INPP5F: variants seen among roughly 807,000 people sequenced by gnomAD.
INPP5F encodes the protein inositol polyphosphate-5-phosphatase F, also known as phosphatidylinositide 4-phosphatase SAC2.
In INPP5F, 97 loss-of-function variants were observed where a neutral mutation model predicts 137.2. The observed-to-expected ratio is 0.71, with a 90% CI of 0.60 to 0.84. The LOEUF (loss-of-function observed/expected upper bound fraction) is 0.84. INPP5F is among the 40% of genes least tolerant of loss of function. INPP5F has a pLI of 0.00. For missense variants in INPP5F, 1,271 were observed against 1,371.9 expected (o/e 0.93, Z 1.16); for synonymous variants, 504 against 476.9 (o/e 1.06, Z -0.74).
chr10:119,806,544 G>C, intron 12 of INPP5F, 64 bp downstream of exon 12: 1 of 1,415,610 alleles, frequency 7.1e-7, no homozygotes, highest in Non-Finnish European at 9.5e-7. Flanking sequence ...CCATGAGTAA[G>C]CAAATAGCTA....
At chr10:119,742,642 A>G (rs758913719) in intron 1 of INPP5F, among the ~76,000 whole-genome samples, 14 of 152,172 alleles carry the variant, frequency 9.2e-5, no homozygotes, top group Non-Finnish European at 1.5e-4. Flanking sequence ...AGCCCCATAC[A>G]AACATGAGAG....
Position 119,782,903 on chromosome 10 carries a change from C to G in INPP5F, c.315+1132C>G, listed in dbSNP as rs562469914. 4.9e-4 allele frequency among the ~76,000 whole-genome samples: 75 copies of G among 152,174 alleles called. No homozygotes were observed. In the South Asian group the frequency reaches 5.0e-3, roughly 10 times the overall value. ...AGTTCTTGGGGAGGAACTTTGGGGA[C>G]AGGGTTAAATTGCCTTAAGAATAAG... On this transcript the variant is annotated intron_variant, in intron 3 of 19. Coordinates refer to ENST00000650623, the MANE Select transcript of INPP5F (RefSeq NM_014937.4).
At chr10:119,795,798 G>A (rs1850355285) in intron 6 of INPP5F, among the ~76,000 whole-genome samples, 1 of 152,216 alleles carries the variant, frequency 6.6e-6, no homozygotes, top group Admixed American at 6.5e-5. Context: ...ATTGAGCACT[G>A]AGTGAACGAG....
chr10:119,778,607 C>T (rs1849601574), intron 2 of INPP5F, among the ~76,000 whole-genome samples: 1 of 152,142 alleles, frequency 6.6e-6, no homozygotes, highest in Non-Finnish European at 1.5e-5. Flanking sequence ...CATTTTCCCT[C>T]CATTCTCCTC....
intron 13 of INPP5F, 95 bp downstream of exon 13, chr10:119,808,155 C>A: frequency 7.0e-7 from 1 of 1,429,656 alleles, no homozygotes; most frequent in Non-Finnish European, 9.5e-7. Context: ...TTCCAGATTG[C>A]AGATGTGTGT....
intron 2 of INPP5F, 151 bp downstream of exon 2, chr10:119,751,307 C>T (rs976192950): frequency 3.2e-6 from 2 of 632,470 alleles, no homozygotes; most frequent in African/African-American, 3.7e-5. Context: ...TGAGCGAAGA[C>T]CTGTTTCTAC....
At chr10:119,791,209 A>T (rs1309392317) in intron 3 of INPP5F, among the ~76,000 whole-genome samples, 3 of 152,262 alleles carry the variant, frequency 2.0e-5, no homozygotes, top group African/African-American at 7.2e-5. Context: ...AAGCATTAAT[A>T]ACCTCAGCCG....
At chr10:119,775,961 A>C (rs1406706735) in intron 2 of INPP5F, among the ~76,000 whole-genome samples, 1 of 152,226 alleles carries the variant, frequency 6.6e-6, no homozygotes, top group Non-Finnish European at 1.5e-5. Flanking sequence ...GTAGATGTTC[A>C]GTAAACATTA....
chr10:119,739,662 A>C (rs1848317934), intron 1 of INPP5F, among the ~76,000 whole-genome samples: 1 of 151,918 alleles, frequency 6.6e-6, no homozygotes, highest in African/African-American at 2.4e-5. Context: ...TAGGGTCTTC[A>C]TTTGCCACCC....
At chr10:119,793,736 C>T (rs997411384) in intron 6 of INPP5F, 1 of 152,282 alleles carries the variant, frequency 6.6e-6, no homozygotes, top group Non-Finnish European at 1.5e-5. Flanking sequence ...AACTTCACCT[C>T]CCGGGTTCAA....
In INPP5F at chr10:119,828,085, G is replaced by T; in HGVS notation, c.*305G>T. On this transcript the variant is annotated 3_prime_UTR_variant, in exon 20 of 20. Coordinates refer to ENST00000650623, the MANE Select transcript of INPP5F (RefSeq NM_014937.4). The stretch of plus-strand genomic sequence containing the variant: ...TGAACCTTTTTTTGGAGTGGGGTGG[G>T]TAGACTACAGTAGACACAAGGGCTG... The T allele has an allele frequency of 4.4e-6, 1 of 225,346 alleles. No homozygotes were observed. Among genetic ancestry groups the T allele is most frequent in the Non-Finnish European group, 8.8e-6 (1 of 113,774 alleles). 14.0% of individuals were successfully genotyped at this position (225,346 alleles called of 1,614,324 possible).
intron 13 of INPP5F, among the ~76,000 whole-genome samples, chr10:119,809,079 T>G (rs776461158): frequency 6.6e-6 from 1 of 152,070 alleles, no homozygotes; most frequent in Non-Finnish European, 1.5e-5. Context: ...AAAAATTAGC[T>G]GGGCATGGTG....
intron 2 of INPP5F, among the ~76,000 whole-genome samples, chr10:119,770,643 T>G (rs1006174021): frequency 6.6e-6 from 1 of 152,202 alleles, no homozygotes; most frequent in South Asian, 2.1e-4. Context: ...CTGTGAGGTC[T>G]TCTTTTGTTT....
rs116033243 is a variant in INPP5F, at chr10:119,777,153, C to G, written c.179-4482C>G. ...TGAGTGATCCTCCCTTCTCAGCCCC[C>G]CAAAGTGCTGGGATTACAGGGATGA... is the stretch of plus-strand genomic sequence containing the variant. On this transcript the variant is annotated intron_variant, in intron 2 of 19. Transcript: ENST00000650623. Among the ~76,000 whole-genome samples the G allele has an allele frequency of 2.7e-3, 410 of 152,252 alleles. 3 individuals carry two copies. Among genetic ancestry groups the G allele is most frequent in the African/African-American group, 9.0e-3 (375 of 41,510 alleles).
At chr10:119,751,471 G>A (rs1031438077) in intron 2 of INPP5F, among the ~76,000 whole-genome samples, 1 of 152,224 alleles carries the variant, frequency 6.6e-6, no homozygotes, top group African/African-American at 2.4e-5. Context: ...TAAAGCTGGA[G>A]AGGCAGGCAG....
At chr10:119,733,868 C>T (rs1228448621) in intron 1 of INPP5F, among the ~76,000 whole-genome samples, 1 of 152,214 alleles carries the variant, frequency 6.6e-6, no homozygotes, top group East Asian at 1.9e-4. Context: ...GAGGATGAGA[C>T]TCACTGCTGG....
chr10:119,783,452 G>C (rs1014418960), intron 3 of INPP5F, among the ~76,000 whole-genome samples: 1 of 152,130 alleles, frequency 6.6e-6, no homozygotes, highest in Non-Finnish European at 1.5e-5. Context: ...TTGCATATTT[G>C]GCACTCCCAG....
intron 16 of INPP5F, among the ~76,000 whole-genome samples, chr10:119,821,668 A>G (rs1851565634): frequency 6.6e-6 from 1 of 152,044 alleles, no homozygotes; most frequent in Non-Finnish European, 1.5e-5. Context: ...GTTCCCAAAT[A>G]CATAGTTTGT....
chr10:119,738,368 C>T (rs1425378553), intron 1 of INPP5F, among the ~76,000 whole-genome samples: 2 of 151,912 alleles, frequency 1.3e-5, no homozygotes, highest in Non-Finnish European at 2.9e-5. Flanking sequence ...TAGAGTATAC[C>T]TTCTGAAGGA....
Sources: gnomAD v4.1 joint callset for allele counts (sites outside exome capture counted in the v4.1 genomes callset) on GRCh38, gnomAD v4.1.1 for gene constraint, MANE v1.5 for transcripts, NCBI Gene and HGNC (gene_info 2026-07-23, HGNC 2026-07-21) for gene names.